CTNNA3: variants seen among roughly 807,000 people sequenced by gnomAD.
CTNNA3 encodes the protein catenin alpha-3.
A neutral mutation model predicts 95.7 loss-of-function variants in CTNNA3; 76 were observed. That is an observed-to-expected ratio of 0.79 (90% CI 0.66 to 0.96). The LOEUF (loss-of-function observed/expected upper bound fraction) is 0.96, where lower values mean the gene tolerates loss of function less well. Among genes scored for constraint, CTNNA3 ranks in the 40% least tolerant of loss-of-function variants. CTNNA3 has a pLI of 0.00. For missense variants in CTNNA3, 1,191 were observed against 1,089.8 expected (o/e 1.09, Z -1.31); for synonymous variants, 431 against 374.4 (o/e 1.15, Z -1.74).
chr10:67,326,188 C>T (rs979292871), intron 5 of CTNNA3, among the ~76,000 whole-genome samples: 1 of 152,126 alleles, frequency 6.6e-6, no homozygotes, highest in East Asian at 1.9e-4. Context: ...TAACTTGCCA[C>T]TCTGTGCCTT....
intron 7 of CTNNA3, among the ~76,000 whole-genome samples, chr10:66,920,330 T>C (rs1416452511): frequency 6.6e-6 from 1 of 152,216 alleles, no homozygotes; most frequent in East Asian, 1.9e-4. Context: ...CCAAAGAAGT[T>C]TGCACAGAAT....
intron 5 of CTNNA3, among the ~76,000 whole-genome samples, chr10:67,358,187 A>G (rs1423863447): frequency 6.6e-6 from 1 of 152,166 alleles, no homozygotes; most frequent in Non-Finnish European, 1.5e-5. Context: ...TCCTAGAAGA[A>G]AACATAGAAG....
intron 10 of CTNNA3, among the ~76,000 whole-genome samples, chr10:66,547,153 A>T (rs1911361): frequency 0.92 from 139,885 of 151,906 alleles, 64,607 homozygotes; most frequent in East Asian, 0.98. Flanking sequence ...GTGAATTATT[A>T]ATTGGCTCTT....
chr10:66,009,712 G>T (rs2078968641), intron 15 of CTNNA3, among the ~76,000 whole-genome samples: 1 of 151,948 alleles, frequency 6.6e-6, no homozygotes, highest in African/African-American at 2.4e-5. Context: ...TACCTCTTTT[G>T]AGATTGTCAC....
intron 5 of CTNNA3, among the ~76,000 whole-genome samples, chr10:67,338,932 T>A (rs2132607565): frequency 6.6e-6 from 1 of 152,332 alleles, no homozygotes; most frequent in East Asian, 1.9e-4. Context: ...ATAAGAGTCA[T>A]AAGACTTGAA....
At chr10:66,861,707 G>A (rs1301586769) in intron 7 of CTNNA3, among the ~76,000 whole-genome samples, 1 of 152,310 alleles carries the variant, frequency 6.6e-6, no homozygotes, top group East Asian at 1.9e-4. Context: ...TTTTTGAGCT[G>A]TGTGGTGGTA....
At chr10:66,814,572 G>T (rs1589285388) in intron 7 of CTNNA3, among the ~76,000 whole-genome samples, 1 of 152,050 alleles carries the variant, frequency 6.6e-6, no homozygotes, top group South Asian at 2.1e-4. Context: ...GACTAGCCTG[G>T]CCAATATGGC....
At chr10:67,441,654 T>C (rs1201234167) in intron 5 of CTNNA3, among the ~76,000 whole-genome samples, 1 of 152,086 alleles carries the variant, frequency 6.6e-6, no homozygotes, top group Non-Finnish European at 1.5e-5. Flanking sequence ...GAGAGTGGTA[T>C]TACATATCTA....
chr10:67,263,301 G>C (rs1866688429), intron 5 of CTNNA3, among the ~76,000 whole-genome samples: 1 of 152,100 alleles, frequency 6.6e-6, no homozygotes, highest in Admixed American at 6.6e-5. Flanking sequence ...ATTGTGATCT[G>C]GGATCTTTTT....
intron 7 of CTNNA3, among the ~76,000 whole-genome samples, chr10:67,014,447 G>C (rs1852527671): frequency 6.6e-6 from 1 of 152,096 alleles, no homozygotes; most frequent in Non-Finnish European, 1.5e-5. Context: ...GGAATCCCAG[G>C]TGGTGCCTGT....
intron 7 of CTNNA3, among the ~76,000 whole-genome samples, chr10:67,178,657 T>C (rs1862359492): frequency 2.0e-5 from 3 of 152,142 alleles, no homozygotes; most frequent in Admixed American, 6.6e-5. Context: ...AATAACTTTC[T>C]ATTTTAGATA....
At chr10:66,717,669 G>A (rs1848496333) in intron 9 of CTNNA3, among the ~76,000 whole-genome samples, 2 of 152,142 alleles carry the variant, frequency 1.3e-5, no homozygotes, top group Admixed American at 6.6e-5. Flanking sequence ...CTGAAGCTAA[G>A]ACACCCCATG....
At chr10:66,797,969 T>C (rs1293971809) in intron 7 of CTNNA3, among the ~76,000 whole-genome samples, 1 of 151,906 alleles carries the variant, frequency 6.6e-6, no homozygotes, top group African/African-American at 2.4e-5. Flanking sequence ...TTTCTCCATA[T>C]ATGCATCCAG....
intron 3 of CTNNA3, among the ~76,000 whole-genome samples, chr10:67,600,285 T>G (rs1589473228): frequency 6.6e-6 from 1 of 152,150 alleles, no homozygotes; most frequent in South Asian, 2.1e-4. Context: ...AGAAAATATC[T>G]TCTTGACTTT....
At chr10:66,633,331 G>C (rs1845211595) in intron 9 of CTNNA3, among the ~76,000 whole-genome samples, 1 of 152,140 alleles carries the variant, frequency 6.6e-6, no homozygotes, top group Non-Finnish European at 1.5e-5. Flanking sequence ...AATATCTCAA[G>C]TATATAATTT....
chr10:66,092,445 T>C (rs555490829), intron 14 of CTNNA3, among the ~76,000 whole-genome samples: 6 of 152,044 alleles, frequency 3.9e-5, no homozygotes, highest in South Asian at 4.1e-4. Context: ...GGACCAGGCC[T>C]CCCTTTTAGT....
At position 66,771,023 on chromosome 10, in the gene CTNNA3, T is replaced by A. The variant is rs558326693; in HGVS notation, c.1128+4421A>T. 3.9e-5 allele frequency among the ~76,000 whole-genome samples: 6 copies of A among 152,310 alleles called. No individual in the cohort carries two copies. The South Asian group carries it at 1.2e-3, about 32-fold the overall frequency. On this transcript the variant is annotated intron_variant, in intron 8 of 17. Transcript: ENST00000433211. Reference sequence around the variant, plus strand: ...TGTCTCTTGTGGATACATAATGTTATTTGATGATGAGGATGATGACCAGGA... The same window carrying A: ...TGTCTCTTGTGGATACATAATGTTAATTGATGATGAGGATGATGACCAGGA...
intron 9 of CTNNA3, among the ~76,000 whole-genome samples, chr10:66,700,343 T>C (rs1847904003): frequency 6.6e-6 from 1 of 152,172 alleles, no homozygotes; most frequent in African/African-American, 2.4e-5. Context: ...TTTCACTCTT[T>C]GCCTGTGGAT....
At chr10:67,484,901 G>A (rs1285278986) in intron 5 of CTNNA3, among the ~76,000 whole-genome samples, 1 of 152,146 alleles carries the variant, frequency 6.6e-6, no homozygotes, top group Non-Finnish European at 1.5e-5. Context: ...CTGTGGAAAG[G>A]AGTTTGGAGA....
Sources: gnomAD v4.1 joint callset for allele counts (sites outside exome capture counted in the v4.1 genomes callset) on GRCh38, gnomAD v4.1.1 for gene constraint, MANE v1.5 for transcripts, NCBI Gene and HGNC (gene_info 2026-07-23, HGNC 2026-07-21) for gene names.